OMA1: variants seen among roughly 807,000 people sequenced by gnomAD.
OMA1 encodes OMA1 zinc metallopeptidase, also known as metalloendopeptidase OMA1, mitochondrial.
In OMA1, 38 loss-of-function variants were observed where a neutral mutation model predicts 30.9. That is an observed-to-expected ratio of 1.23 (90% CI 0.95 to 1.61). The LOEUF (loss-of-function observed/expected upper bound fraction) is 1.61. Ranked by LOEUF, OMA1 falls within the 40% of genes most tolerant of loss-of-function variation. The pLI, the probability that OMA1 is intolerant of heterozygous loss-of-function variation, is 0.00. For missense variants in OMA1, 461 were observed against 349.2 expected (o/e 1.32, Z -2.55); for synonymous variants, 173 against 121.9 (o/e 1.42, Z -2.76).
At chr1:58,517,314 T>C (rs1194554061) in intron 7 of OMA1, among the ~76,000 whole-genome samples, 1 of 152,236 alleles carries the variant, frequency 6.6e-6, no homozygotes, top group Non-Finnish European at 1.5e-5. Flanking sequence ...CTGTTGCCAT[T>C]GGTGCTCTTG....
intron 7 of OMA1, among the ~76,000 whole-genome samples, chr1:58,517,650 G>T (rs1267977519): frequency 1.3e-5 from 2 of 152,022 alleles, no homozygotes; most frequent in Non-Finnish European, 1.5e-5. Context: ...TCTGTCTCTT[G>T]AATTCTAATG....
intron 6 of OMA1, among the ~76,000 whole-genome samples, chr1:58,527,631 C>T (rs1401859899): frequency 6.6e-6 from 1 of 152,080 alleles, no homozygotes; most frequent in Non-Finnish European, 1.5e-5. Flanking sequence ...CTACTGAGTA[C>T]AGGATTCACT....
chr1:58,488,203 TTTCTC>T (rs1645610463), intron 8 of OMA1, among the ~76,000 whole-genome samples: 1 of 152,226 alleles, frequency 6.6e-6, no homozygotes. Flanking sequence ...TGTTTATAGA[TTTCTC>T]TTTTGCTTTA....
At chr1:58,519,947 C>A (rs1646235635) in intron 7 of OMA1, among the ~76,000 whole-genome samples, 1 of 150,440 alleles carries the variant, frequency 6.6e-6, no homozygotes, top group Non-Finnish European at 1.5e-5. Context: ...TAATGAACTT[C>A]AAGATAGGTA....
At chr1:58,518,603 A>G (rs1487091859) in intron 7 of OMA1, among the ~76,000 whole-genome samples, 2 of 150,938 alleles carry the variant, frequency 1.3e-5, no homozygotes, top group East Asian at 3.9e-4. Context: ...AAAAATTAAG[A>G]GTAAATGATA....
intron 1 of OMA1, among the ~76,000 whole-genome samples, chr1:58,544,220 C>T (rs1178633709): frequency 6.6e-6 from 1 of 152,092 alleles, no homozygotes; most frequent in Non-Finnish European, 1.5e-5. Context: ...CGACCTTAAC[C>T]AAACATTCAG....
chr1:58,542,277 T>C (rs1387581504), intron 1 of OMA1, among the ~76,000 whole-genome samples: 5 of 152,276 alleles, frequency 3.3e-5, no homozygotes, highest in Non-Finnish European at 4.4e-5. Flanking sequence ...AGCTGAAAAA[T>C]TGTTAAATAA....
At chr1:58,531,734 G>A (rs1355879118) in intron 5 of OMA1, among the ~76,000 whole-genome samples, 1 of 151,078 alleles carries the variant, frequency 6.6e-6, no homozygotes, top group Non-Finnish European at 1.5e-5. Flanking sequence ...TTTTGAGACA[G>A]AGTCTTGCCC....
At chr1:58,510,477 C>A (rs1052305984) in intron 7 of OMA1, among the ~76,000 whole-genome samples, 2 of 151,974 alleles carry the variant, frequency 1.3e-5, no homozygotes, top group African/African-American at 4.8e-5. Context: ...ATTATCTCGA[C>A]ATAATTATAG....
At chr1:58,504,502 T>C (rs1038469135) in intron 8 of OMA1, among the ~76,000 whole-genome samples, 16 of 152,108 alleles carry the variant, frequency 1.1e-4, no homozygotes, top group Admixed American at 7.2e-4. Flanking sequence ...CTCTAATACC[T>C]TTAATCTGCT....
rs541180331 is a variant in OMA1, at chr1:58,517,188, A to C, written c.1215+10073T>G. Among the ~76,000 whole-genome samples the C allele has an allele frequency of 5.3e-5, 8 of 152,336 alleles. No individual in the cohort carries two copies. The South Asian group carries it at 1.5e-3, about 28-fold the overall frequency. On this transcript the variant is annotated intron_variant, in intron 7 of 8. Coordinates refer to ENST00000371226, the MANE Select transcript of OMA1 (RefSeq NM_145243.5). The stretch of plus-strand genomic sequence containing the variant: ...TTGCTACAGTCATGTGGAGGAGACA[A>C]GAGCTCAAACACACATCTGGACTAC...
Position 58,538,880 on chromosome 1 carries a change from A to G in OMA1, c.415T>C (p.Ser139Pro), listed in dbSNP as rs1410558570. 1 of 872,704 alleles carries G rather than the reference A, an allele frequency of 1.1e-6. No homozygotes were observed. Among genetic ancestry groups the G allele is most frequent in the East Asian group, 2.4e-5 (1 of 41,708 alleles). The allele number at this position is 872,704 out of a possible 1,614,324, so 54.1% of individuals were successfully genotyped here. A position where few individuals can be genotyped will look rare whatever the true frequency, so the allele number is the denominator to read the frequency against. Residue 139 changes from serine (S) to proline (P), a missense_variant, in exon 2 of 9, where the codon TCT becomes CCT. By Grantham distance (74) the Ser-to-Pro change is moderately conservative (BLOSUM62 -1). Transcript: ENST00000371226. ...SIRAIRNFHTSPRFQAAPVPL... is the reference protein window; with the variant it reads ...SIRAIRNFHTPPRFQAAPVPL... ...ACCGGAGCAGCTTGAAACCGTGGAG[A>G]AGTATGGAAATTCCTAATAGCTCTT...
At position 58,534,168 on chromosome 1, in the gene OMA1, A is replaced by G. The variant is rs1337656782; in HGVS notation, c.893T>C (p.Phe298Ser). The G allele has an allele frequency of 1.1e-6, 1 of 871,144 alleles. No homozygotes were observed. Among genetic ancestry groups the G allele is most frequent in the African/African-American group, 1.6e-5 (1 of 61,278 alleles). The allele number at this position is 871,144 out of a possible 1,614,324, so 54.0% of individuals were successfully genotyped here. Residue 298 changes from phenylalanine (F) to serine (S), a missense_variant, in exon 4 of 9, where the codon TTC becomes TCC. Physicochemically the swap from Phe to Ser is radical, Grantham distance 155. Coordinates refer to ENST00000371226, the MANE Select transcript of OMA1 (RefSeq NM_145243.5). ...AGAACATTTACTTACTGGAAGCACGAAGGCATTAATAATTGGGGAATCAAC... is the reference window on the plus strand; with the variant it reads ...AGAACATTTACTTACTGGAAGCACGGAGGCATTAATAATTGGGGAATCAAC... The part of the protein sequence containing the change: ...HVVDSPIINA[F>S]VLPNGQMFVF...
chr1:58,488,537 T>G (rs1645616289), intron 8 of OMA1, among the ~76,000 whole-genome samples: 1 of 152,174 alleles, frequency 6.6e-6, no homozygotes. Flanking sequence ...CTGCAACCTC[T>G]GCCTCCCAGG....
chr1:58,491,192 T>C (rs1645681478), intron 8 of OMA1, among the ~76,000 whole-genome samples: 2 of 151,974 alleles, frequency 1.3e-5, no homozygotes, highest in African/African-American at 2.4e-5. Context: ...AGAAATAAAA[T>C]ACTTTACAGA....
At chr1:58,508,492 A>T (rs1436655426) in intron 7 of OMA1, among the ~76,000 whole-genome samples, 1 of 152,186 alleles carries the variant, frequency 6.6e-6, no homozygotes, top group Non-Finnish European at 1.5e-5. Context: ...CAAACCTGGT[A>T]GAAGACTGGA....
chr1:58,519,026 T>C (rs1646218298), intron 7 of OMA1, among the ~76,000 whole-genome samples: 1 of 152,158 alleles, frequency 6.6e-6, no homozygotes, highest in African/African-American at 2.4e-5. Flanking sequence ...GTTCATGCAT[T>C]ATCTCTACAC....
chr1:58,489,966 G>C (rs1197481565), intron 8 of OMA1, among the ~76,000 whole-genome samples: 3 of 152,062 alleles, frequency 2.0e-5, no homozygotes, highest in Non-Finnish European at 4.4e-5. Context: ...AAAGACCAAA[G>C]GTAGATAAAA....
intron 3 of OMA1, among the ~76,000 whole-genome samples, chr1:58,535,955 A>G (rs1479423203): frequency 6.6e-6 from 1 of 151,608 alleles, no homozygotes; most frequent in Non-Finnish European, 1.5e-5. Context: ...ACTAAGCTCT[A>G]CTCTTACATA....
Sources: gnomAD v4.1 joint callset for allele counts (sites outside exome capture counted in the v4.1 genomes callset) on GRCh38, gnomAD v4.1.1 for gene constraint, MANE v1.5 for transcripts, NCBI Gene and HGNC (gene_info 2026-07-23, HGNC 2026-07-21) for gene names.